The following B3GALT1 variants were observed in gnomAD, a reference collection of about 807,000 sequenced individuals.
B3GALT1 encodes the protein beta-1,3-galactosyltransferase 1.
In B3GALT1, 10 loss-of-function variants were observed where a neutral mutation model predicts 23.2. The observed-to-expected ratio is 0.43, with a 90% CI of 0.27 to 0.73. B3GALT1 has a LOEUF of 0.73. Among genes scored for constraint, B3GALT1 ranks in the 30% least tolerant of loss-of-function variants. The pLI, the probability that B3GALT1 is intolerant of heterozygous loss-of-function variation, is 0.21. For missense variants in B3GALT1, 299 were observed against 405.4 expected (o/e 0.74, Z 2.25); for synonymous variants, 156 against 141.5 (o/e 1.10, Z -0.73).
intron 4 of B3GALT1, among the ~76,000 whole-genome samples, chr2:167,834,908 G>GGA (rs1208370210): frequency 6.6e-6 from 1 of 152,068 alleles, no homozygotes; most frequent in Non-Finnish European, 1.5e-5. Context: ...CTGTGCCCAA[G>GGA]GAGAGGCCTG....
intron 2 of B3GALT1, among the ~76,000 whole-genome samples, chr2:167,519,157 T>A (rs936982773): frequency 3.3e-5 from 5 of 152,188 alleles, no homozygotes; most frequent in Admixed American, 2.0e-4. Context: ...CATATAGTTA[T>A]GTAAGTGGAC....
At position 167,430,782 on chromosome 2, in the gene B3GALT1, C is replaced by T. The variant is rs186395818; in HGVS notation, c.-510-59395C>T. Among the ~76,000 whole-genome samples, 172 of 152,188 alleles carry T rather than the reference C, an allele frequency of 1.1e-3. 2 individuals carry two copies. In the Middle Eastern group the frequency reaches 0.034, roughly 30 times the overall value. On this transcript the variant is annotated intron_variant, in intron 1 of 4. Coordinates refer to ENST00000392690, the MANE Select transcript of B3GALT1 (RefSeq NM_020981.4). ...TTAATATTGGCATCAACATTATCATCATTATTATCAGTAGTAGTGCTATTT... is the reference window on the plus strand; with the variant it reads ...TTAATATTGGCATCAACATTATCATTATTATTATCAGTAGTAGTGCTATTT...
At chr2:167,505,122 C>T (rs1319249107) in intron 2 of B3GALT1, among the ~76,000 whole-genome samples, 1 of 152,062 alleles carries the variant, frequency 6.6e-6, no homozygotes, top group African/African-American at 2.4e-5. Flanking sequence ...ATGGGTGAAT[C>T]TATGTATACA....
intron 2 of B3GALT1, among the ~76,000 whole-genome samples, chr2:167,542,841 A>G (rs1324083710): frequency 1.3e-5 from 2 of 151,658 alleles, no homozygotes; most frequent in Admixed American, 6.6e-5. Context: ...ACTCAGGTAG[A>G]TTCTAAAACC....
rs191997601 is a variant in B3GALT1 at position 167,850,415 on chromosome 2, G to A, written c.-229-18396G>A. On this transcript the variant is annotated intron_variant, in intron 4 of 4. Coordinates refer to ENST00000392690, the MANE Select transcript of B3GALT1 (RefSeq NM_020981.4). ...AACAGTAGATGTTGGCATGGATGCTGTGATCAGGGAACACTTCTACACTGC... is the reference window on the plus strand; with the variant it reads ...AACAGTAGATGTTGGCATGGATGCTATGATCAGGGAACACTTCTACACTGC... Among the ~76,000 whole-genome samples the A allele has an allele frequency of 7.8e-4, 119 of 152,338 alleles. 1 individual carries two copies. The highest frequency in any genetic ancestry group is 3.4e-3 in the Middle Eastern group (1 of 294).
At chr2:167,507,502 C>A (rs1574108693) in intron 2 of B3GALT1, among the ~76,000 whole-genome samples, 1 of 66,006 alleles carries the variant, frequency 1.5e-5, no homozygotes, top group Admixed American at 2.4e-4. Flanking sequence ...AAGACTCCGT[C>A]TCAAAAAAAA....
At chr2:167,788,404 G>A (rs1688378106) in intron 3 of B3GALT1, among the ~76,000 whole-genome samples, 1 of 151,994 alleles carries the variant, frequency 6.6e-6, no homozygotes, top group Admixed American at 6.6e-5. Flanking sequence ...GAATCAGTGG[G>A]ACCCCTGAGC....
intron 4 of B3GALT1, among the ~76,000 whole-genome samples, chr2:167,840,403 C>T (rs1181845941): frequency 6.6e-6 from 1 of 152,088 alleles, no homozygotes. Context: ...GACATTTTTG[C>T]AGCCAAAAAA....
intron 1 of B3GALT1, among the ~76,000 whole-genome samples, chr2:167,454,953 G>A (rs1037969595): frequency 1.3e-5 from 2 of 152,192 alleles, no homozygotes; most frequent in African/African-American, 4.8e-5. Context: ...GTGCATTTCT[G>A]TGCCTGGGAT....
intron 3 of B3GALT1, among the ~76,000 whole-genome samples, chr2:167,767,883 T>C (rs1688004641): frequency 6.6e-6 from 1 of 152,096 alleles, no homozygotes; most frequent in Non-Finnish European, 1.5e-5. Context: ...TGATCTGCTG[T>C]TTGCAAGCTG....
intron 1 of B3GALT1, among the ~76,000 whole-genome samples, chr2:167,374,457 T>C (rs1697733276): frequency 2.0e-5 from 3 of 152,212 alleles, no homozygotes; most frequent in Admixed American, 2.0e-4. Flanking sequence ...CTACAGTGGC[T>C]GAACTACTTT....
chr2:167,565,662 A>G (rs1435122052), intron 2 of B3GALT1, among the ~76,000 whole-genome samples: 3 of 152,300 alleles, frequency 2.0e-5, no homozygotes, highest in East Asian at 3.9e-4. Flanking sequence ...AATTTACAAG[A>G]AAAAAACAAC....
intron 1 of B3GALT1, among the ~76,000 whole-genome samples, chr2:167,348,947 A>G (rs1330707132): frequency 6.6e-6 from 1 of 152,120 alleles, no homozygotes; most frequent in Non-Finnish European, 1.5e-5. Flanking sequence ...CTTTTGTGTA[A>G]TTGCAGTAGT....
At chr2:167,370,994 G>C (rs968608191) in intron 1 of B3GALT1, among the ~76,000 whole-genome samples, 1 of 152,124 alleles carries the variant, frequency 6.6e-6, no homozygotes, top group African/African-American at 2.4e-5. Flanking sequence ...ATTGCATTAT[G>C]AACCATGGAT....
chr2:167,449,975 G>A (rs538017549), intron 1 of B3GALT1, among the ~76,000 whole-genome samples: 4 of 152,206 alleles, frequency 2.6e-5, no homozygotes, highest in South Asian at 2.1e-4. Context: ...TTTTTGACAC[G>A]CTTTTGGATT....
intron 3 of B3GALT1, among the ~76,000 whole-genome samples, chr2:167,741,338 T>C (rs1213342262): frequency 6.6e-6 from 1 of 152,164 alleles, no homozygotes; most frequent in Non-Finnish European, 1.5e-5. Flanking sequence ...AATTCCTTTC[T>C]TCAAAAAACA....
At chr2:167,772,874 T>G (rs1445270280) in intron 3 of B3GALT1, among the ~76,000 whole-genome samples, 1 of 152,242 alleles carries the variant, frequency 6.6e-6, no homozygotes, top group African/African-American at 2.4e-5. Context: ...AAATGTTTCC[T>G]AATTTACTAA....
intron 2 of B3GALT1, among the ~76,000 whole-genome samples, chr2:167,595,075 G>A (rs892362720): frequency 6.6e-6 from 1 of 152,074 alleles, no homozygotes; most frequent in Non-Finnish European, 1.5e-5. Flanking sequence ...TACACTTCTA[G>A]GGTGAACATT....
At chr2:167,530,994 A>G (rs1045951795) in intron 2 of B3GALT1, among the ~76,000 whole-genome samples, 2 of 152,226 alleles carry the variant, frequency 1.3e-5, no homozygotes, top group African/African-American at 4.8e-5. Flanking sequence ...ACAAGAAAGA[A>G]CTGTTTAGCC....
Sources: gnomAD v4.1 joint callset for allele counts (sites outside exome capture counted in the v4.1 genomes callset) on GRCh38, gnomAD v4.1.1 for gene constraint, MANE v1.5 for transcripts, NCBI Gene and HGNC (gene_info 2026-07-23, HGNC 2026-07-21) for gene names.